HDAC9: variants seen among roughly 807,000 people sequenced by gnomAD.
The protein encoded by HDAC9 is histone deacetylase 9.
Under a neutral mutation model 139.4 loss-of-function variants are expected in HDAC9, and 41 were observed. That is an observed-to-expected ratio of 0.29 (90% CI 0.23 to 0.38). The LOEUF (loss-of-function observed/expected upper bound fraction) is 0.38. HDAC9 is among the 10% of genes least tolerant of loss of function. The pLI is 1.00. For synonymous variants in HDAC9, 517 were observed against 476.2 expected (o/e 1.09, Z -1.12); for missense variants, 1,147 against 1,297.0 (o/e 0.88, Z 1.78).
chr7:18,340,428 G>C (rs909526745), intron 1 of HDAC9, among the ~76,000 whole-genome samples: 5 of 151,332 alleles, frequency 3.3e-5, no homozygotes, highest in Non-Finnish European at 7.4e-5. Context: ...TGTTCTGTCC[G>C]TTCTTTGTTC....
At chr7:18,103,422 C>T (rs1290846014) in intron 1 of HDAC9, among the ~76,000 whole-genome samples, 1 of 152,110 alleles carries the variant, frequency 6.6e-6, no homozygotes, top group Non-Finnish European at 1.5e-5. Flanking sequence ...GGGCATCTGT[C>T]GATCCCATCA....
At chr7:18,794,527 A>G (rs2129180096) in intron 17 of HDAC9, among the ~76,000 whole-genome samples, 1 of 152,366 alleles carries the variant, frequency 6.6e-6, no homozygotes, top group South Asian at 2.1e-4. Flanking sequence ...CTATTTAAAA[A>G]GTAGATGTGC....
chr7:18,255,028 G>T (rs1309086908), intron 2 of HDAC9, among the ~76,000 whole-genome samples: 1 of 152,112 alleles, frequency 6.6e-6, no homozygotes, highest in Admixed American at 6.5e-5. Flanking sequence ...AAAGTGACTT[G>T]TTTCATAAGT....
intron 11 of HDAC9, among the ~76,000 whole-genome samples, chr7:18,654,355 T>A (rs1199134449): frequency 6.6e-6 from 1 of 152,152 alleles, no homozygotes; most frequent in East Asian, 1.9e-4. Flanking sequence ...TTCAGCACCT[T>A]CTCCATAGAT....
intron 7 of HDAC9, 29 bp downstream of exon 7, chr7:18,629,510 T>C: frequency 6.3e-7 from 1 of 1,596,528 alleles, no homozygotes; most frequent in Non-Finnish European, 8.5e-7. Context: ...GACCTATGAA[T>C]GCTGGGAGTA....
intron 1 of HDAC9, among the ~76,000 whole-genome samples, chr7:18,402,121 C>T (rs1346916012): frequency 3.9e-5 from 6 of 152,090 alleles, no homozygotes; most frequent in Admixed American, 3.9e-4. Flanking sequence ...AGTTAAACAC[C>T]ATGGTTGACT....
chr7:18,884,927 G>A (rs1462350241), intron 22 of HDAC9, among the ~76,000 whole-genome samples: 1 of 152,040 alleles, frequency 6.6e-6, no homozygotes, highest in Non-Finnish European at 1.5e-5. Context: ...CACCTCTTCG[G>A]TTCCAGTTAA....
At chr7:18,106,931 AC>A (rs1783253718) in intron 1 of HDAC9, among the ~76,000 whole-genome samples, 1 of 152,206 alleles carries the variant, frequency 6.6e-6, no homozygotes, top group African/African-American at 2.4e-5. Flanking sequence ...AGGCAGGAGT[AC>A]CCTACAAATG....
chr7:18,453,724 A>G (rs1056655035), intron 1 of HDAC9, among the ~76,000 whole-genome samples: 1 of 152,206 alleles, frequency 6.6e-6, no homozygotes, highest in African/African-American at 2.4e-5. Flanking sequence ...ATTATTTTCC[A>G]AAATTTTTGT....
chr7:18,204,653 G>T (rs954299964), intron 2 of HDAC9, among the ~76,000 whole-genome samples: 1 of 151,798 alleles, frequency 6.6e-6, no homozygotes, highest in Admixed American at 6.6e-5. Flanking sequence ...AATAAAATGC[G>T]TGTGTGTTCT....
chr7:18,554,327 C>CACT (rs1818091512), intron 2 of HDAC9, among the ~76,000 whole-genome samples: 7 of 58,286 alleles, frequency 1.2e-4, no homozygotes, highest in African/African-American at 4.4e-4. Flanking sequence ...TTACAGATCA[C>CACT]TTTTTTTTTT....
intron 1 of HDAC9, chr7:18,459,022 T>C: frequency 4.1e-6 from 3 of 726,338 alleles, no homozygotes; most frequent in Admixed American, 2.2e-5. Context: ...GGCCAAGATA[T>C]GCTTGACCCA....
At chr7:18,341,335 T>A (rs1781993002) in intron 1 of HDAC9, among the ~76,000 whole-genome samples, 1 of 151,742 alleles carries the variant, frequency 6.6e-6, no homozygotes. Context: ...CCAGTATTTC[T>A]TCAAATTATC....
At chr7:18,147,263 C>T (rs1786409878) in intron 1 of HDAC9, among the ~76,000 whole-genome samples, 1 of 152,156 alleles carries the variant, frequency 6.6e-6, no homozygotes, top group African/African-American at 2.4e-5. Flanking sequence ...ATGTGAATTA[C>T]TTCTTGACTT....
At chr7:18,331,922 C>T (rs193194291) in intron 1 of HDAC9, among the ~76,000 whole-genome samples, 18 of 151,674 alleles carry the variant, frequency 1.2e-4, no homozygotes, top group African/African-American at 3.4e-4. Context: ...GTGGTGATCA[C>T]ATGTGCGGAG....
intron 17 of HDAC9, among the ~76,000 whole-genome samples, chr7:18,826,653 T>G (rs2129203939): frequency 6.7e-6 from 1 of 149,700 alleles, no homozygotes; most frequent in East Asian, 1.9e-4. Flanking sequence ...CAAGTCTTTT[T>G]TTTTTTTTTT....
chr7:18,443,920 TTATATATATG>T (rs1562993501), intron 1 of HDAC9, among the ~76,000 whole-genome samples: 1 of 151,572 alleles, frequency 6.6e-6, no homozygotes, highest in Non-Finnish European at 1.5e-5. Flanking sequence ...TACATTTGTA[TTATATATATG>T]TATATATATG....
intron 21 of HDAC9, among the ~76,000 whole-genome samples, chr7:18,841,944 T>C (rs1796611953): frequency 6.6e-6 from 1 of 152,140 alleles, no homozygotes; most frequent in South Asian, 2.1e-4. Flanking sequence ...ATATTCTTCT[T>C]ATGTATGCAT....
intron 14 of HDAC9, among the ~76,000 whole-genome samples, chr7:18,750,596 C>T (rs1353490095): frequency 2.0e-5 from 3 of 151,662 alleles, no homozygotes; most frequent in East Asian, 3.9e-4. Flanking sequence ...TTTTTTTTGC[C>T]AGTGGCATTC....
Sources: allele counts gnomAD v4.1 joint callset (sites outside exome capture counted in the v4.1 genomes callset), GRCh38; gene constraint gnomAD v4.1.1; transcripts MANE v1.5; gene names NCBI Gene and HGNC (gene_info 2026-07-23, HGNC 2026-07-21).